ARL15: variants seen among roughly 807,000 people sequenced by gnomAD.
The protein encoded by ARL15 is ADP-ribosylation factor-like protein 15.
A neutral mutation model predicts 25.2 loss-of-function variants in ARL15; 19 were observed. The observed-to-expected ratio is 0.75, with a 90% CI of 0.53 to 1.10. The LOEUF is 1.10. Ranked by LOEUF, ARL15 falls within the 50% of genes least tolerant of loss-of-function variation. The pLI, the probability that ARL15 is intolerant of heterozygous loss-of-function variation, is 0.00. For missense variants in ARL15, 220 were observed against 246.0 expected (o/e 0.89, Z 0.71); for synonymous variants, 94 against 86.8 (o/e 1.08, Z -0.46).
At chr5:54,305,936 T>G (rs1758743024) in intron 1 of ARL15, among the ~76,000 whole-genome samples, 1 of 152,196 alleles carries the variant, frequency 6.6e-6, no homozygotes, top group Non-Finnish European at 1.5e-5. Context: ...TGTCACATTT[T>G]CAAGTCTAAG....
intron 1 of ARL15, among the ~76,000 whole-genome samples, chr5:54,254,949 C>T (rs2112608116): frequency 6.6e-6 from 1 of 152,360 alleles, no homozygotes; most frequent in Middle Eastern, 3.4e-3. Flanking sequence ...CAGCTCCGTG[C>T]TGTGCTTTCA....
intron 3 of ARL15, among the ~76,000 whole-genome samples, chr5:54,131,161 A>G (rs1753417811): frequency 6.6e-6 from 1 of 152,188 alleles, no homozygotes; most frequent in Admixed American, 6.5e-5. Flanking sequence ...CCATTAAAAT[A>G]TTATCATTTT....
chr5:54,030,350 T>C (rs533838055), intron 4 of ARL15, among the ~76,000 whole-genome samples: 7 of 152,264 alleles, frequency 4.6e-5, no homozygotes, highest in Admixed American at 6.5e-5. Flanking sequence ...TCCATAGAAA[T>C]AACACATTAC....
intron 1 of ARL15, among the ~76,000 whole-genome samples, chr5:54,282,724 G>A (rs35926): frequency 0.28 from 42,242 of 152,034 alleles, 7,095 homozygotes; most frequent in African/African-American, 0.48. Flanking sequence ...GATCATAAAA[G>A]TCTATAATCC....
In ARL15 at chr5:53,884,236, C is replaced by G. The variant is rs1007764198; in HGVS notation, c.*2325G>C. On this transcript the variant is annotated 3_prime_UTR_variant, in exon 5 of 5. Coordinates refer to ENST00000504924, the MANE Select transcript of ARL15 (RefSeq NM_019087.3). ...AAACGTCCATAAATATTACAAGAAGCTAGGTGAAGAAATACATAACAGACT... is the reference window on the plus strand; with the variant it reads ...AAACGTCCATAAATATTACAAGAAGGTAGGTGAAGAAATACATAACAGACT... 1 of 152,178 alleles carries G rather than the reference C, an allele frequency of 6.6e-6. No individual in the cohort carries two copies. Among genetic ancestry groups the G allele is most frequent in the African/African-American group, 2.4e-5 (1 of 41,444 alleles). The allele number at this position is 152,178 out of a possible 1,614,324, so 9.4% of individuals were successfully genotyped here.
At chr5:54,247,225 T>G (rs923632397) in intron 1 of ARL15, among the ~76,000 whole-genome samples, 52 of 151,426 alleles carry the variant, frequency 3.4e-4, no homozygotes, top group African/African-American at 1.0e-3. Flanking sequence ...AAGTTTTGTT[T>G]TTTTTTTTTA....
intron 1 of ARL15, among the ~76,000 whole-genome samples, chr5:54,271,626 T>C (rs1448433090): frequency 1.3e-5 from 2 of 152,186 alleles, no homozygotes; most frequent in Non-Finnish European, 2.9e-5. Flanking sequence ...CTTTTTATTC[T>C]CTCTGGAGAA....
At chr5:54,273,042 G>A (rs1045774745) in intron 1 of ARL15, among the ~76,000 whole-genome samples, 1 of 152,002 alleles carries the variant, frequency 6.6e-6, no homozygotes, top group African/African-American at 2.4e-5. Flanking sequence ...CAAATGAGAG[G>A]AAAATTCTAA....
intron 2 of ARL15, among the ~76,000 whole-genome samples, chr5:54,161,182 T>A (rs927803675): frequency 6.6e-6 from 1 of 152,192 alleles, no homozygotes; most frequent in African/African-American, 2.4e-5. Flanking sequence ...TCCCTTGTTG[T>A]ATGGCATTTA....
At chr5:54,122,992 T>G (rs376387360) in intron 3 of ARL15, among the ~76,000 whole-genome samples, 10 of 152,328 alleles carry the variant, frequency 6.6e-5, no homozygotes, top group African/African-American at 2.4e-4. Flanking sequence ...ATTAAGTTAA[T>G]TAATGAGTGA....
intron 4 of ARL15, among the ~76,000 whole-genome samples, chr5:53,996,624 A>T (rs1468103894): frequency 3.4e-5 from 3 of 88,178 alleles, no homozygotes; most frequent in South Asian, 4.3e-4. Context: ...CTCATAAAAA[A>T]AAAAAAAAAA....
At chr5:54,109,312 G>A (rs1752671720) in intron 4 of ARL15, among the ~76,000 whole-genome samples, 1 of 151,908 alleles carries the variant, frequency 6.6e-6, no homozygotes, top group Non-Finnish European at 1.5e-5. Flanking sequence ...ACTTAACACT[G>A]TACTTTTGAT....
chr5:54,025,685 C>T (rs1401304590), intron 4 of ARL15, among the ~76,000 whole-genome samples: 1 of 147,496 alleles, frequency 6.8e-6, no homozygotes, highest in East Asian at 1.9e-4. Flanking sequence ...TTGTTTGTTT[C>T]GGTAATTACA....
chr5:54,066,323 T>C (rs1751230041), intron 4 of ARL15, among the ~76,000 whole-genome samples: 1 of 152,176 alleles, frequency 6.6e-6, no homozygotes, highest in Non-Finnish European at 1.5e-5. Context: ...AGAAAAAGTA[T>C]ACTCATAAGG....
At chr5:54,302,302 C>G (rs1434329528) in intron 1 of ARL15, among the ~76,000 whole-genome samples, 1 of 152,194 alleles carries the variant, frequency 6.6e-6, no homozygotes, top group Non-Finnish European at 1.5e-5. Context: ...GGCTTAGAAT[C>G]AGACAAGCTC....
At chr5:54,050,007 C>T (rs1475911710) in intron 4 of ARL15, among the ~76,000 whole-genome samples, 1 of 152,142 alleles carries the variant, frequency 6.6e-6, no homozygotes, top group Non-Finnish European at 1.5e-5. Flanking sequence ...ACTGTACTAG[C>T]CTTCCTCTTC....
At chr5:54,124,248 A>G (rs1406514097) in intron 3 of ARL15, among the ~76,000 whole-genome samples, 1 of 152,206 alleles carries the variant, frequency 6.6e-6, no homozygotes, top group African/African-American at 2.4e-5. Context: ...TGATAAGAAG[A>G]TATCACTCCT....
Position 53,884,068 on chromosome 5 carries a change from A to G in ARL15, c.*2493T>C. 1 of 152,134 alleles carries G rather than the reference A, an allele frequency of 6.6e-6. No homozygotes were observed. Among genetic ancestry groups the G allele is most frequent in the East Asian group, 1.9e-4 (1 of 5,188 alleles). The allele number at this position is 152,134 out of a possible 1,614,324, so 9.4% of individuals were successfully genotyped here. A position where few individuals can be genotyped will look rare whatever the true frequency, so the allele number is the denominator to read the frequency against. On this transcript the variant is annotated 3_prime_UTR_variant, in exon 5 of 5. Coordinates refer to ENST00000504924, the MANE Select transcript of ARL15 (RefSeq NM_019087.3). ...GTTAGCCTCTAAGTACAGGTACAGTATTTTTTTAATAGAAAGACAGGGCAA... is the reference window on the plus strand; with the variant it reads ...GTTAGCCTCTAAGTACAGGTACAGTGTTTTTTTAATAGAAAGACAGGGCAA...
intron 1 of ARL15, among the ~76,000 whole-genome samples, chr5:54,302,073 C>A (rs1758628821): frequency 2.0e-5 from 3 of 152,168 alleles, no homozygotes; most frequent in Admixed American, 2.0e-4. Context: ...TGAGCAGACT[C>A]CCGCCTCAAA....
Sources: gnomAD v4.1 joint callset for allele counts (sites outside exome capture counted in the v4.1 genomes callset) on GRCh38, gnomAD v4.1.1 for gene constraint, MANE v1.5 for transcripts, NCBI Gene and HGNC (gene_info 2026-07-23, HGNC 2026-07-21) for gene names.